The following XYLT1 variants were observed in gnomAD, a reference collection of about 807,000 sequenced individuals.
XYLT1 encodes the protein beta-D-xylosyltransferase 1.
XYLT1 carries 36 observed loss-of-function variants against 91.3 expected under a neutral mutation model. The ratio of observed to expected loss-of-function variants is 0.39; its 90% CI spans 0.30 to 0.52. The LOEUF (loss-of-function observed/expected upper bound fraction) is 0.52. Among genes scored for constraint, XYLT1 ranks in the 20% least tolerant of loss-of-function variants. The pLI, the probability that XYLT1 is intolerant of heterozygous loss-of-function variation, is 0.68. For synonymous variants in XYLT1, 588 were observed against 532.0 expected, an observed-to-expected ratio of 1.11 and a Z score of -1.45; for missense variants, 1,242 against 1,284.5, an observed-to-expected ratio of 0.97 and a Z score of 0.51.
intron 1 of XYLT1, among the ~76,000 whole-genome samples, chr16:17,381,355 G>T (rs1200237976): frequency 1.3e-5 from 2 of 150,152 alleles, no homozygotes; most frequent in African/African-American, 4.9e-5. Flanking sequence ...AATAAAGCTG[G>T]ACAATTTTAT....
intron 1 of XYLT1, among the ~76,000 whole-genome samples, chr16:17,436,651 A>G (rs1212062623): frequency 6.6e-6 from 1 of 152,266 alleles, no homozygotes; most frequent in Non-Finnish European, 1.5e-5. Context: ...AGTTAGGGAT[A>G]GAAGTCCAAA....
intron 2 of XYLT1, among the ~76,000 whole-genome samples, chr16:17,298,269 T>C (rs1049941704): frequency 1.3e-5 from 2 of 151,848 alleles, no homozygotes; most frequent in Non-Finnish European, 2.9e-5. Flanking sequence ...GGGCTGGAGG[T>C]ATAGTGTGTC....
At chr16:17,137,158 T>C (rs1458266774) in intron 8 of XYLT1, among the ~76,000 whole-genome samples, 1 of 152,126 alleles carries the variant, frequency 6.6e-6, no homozygotes, top group Non-Finnish European at 1.5e-5. Context: ...ACCTGCAGTG[T>C]ACTCTGCATT....
At chr16:17,408,067 C>G (rs1230021012) in intron 1 of XYLT1, among the ~76,000 whole-genome samples, 2 of 152,200 alleles carry the variant, frequency 1.3e-5, no homozygotes, top group East Asian at 3.9e-4. Flanking sequence ...CTTGAACTTA[C>G]CAGCCATCAG....
intron 6 of XYLT1, among the ~76,000 whole-genome samples, chr16:17,154,901 G>T (rs980004948): frequency 6.6e-6 from 1 of 152,196 alleles, no homozygotes; most frequent in South Asian, 2.1e-4. Flanking sequence ...GTATTTCACT[G>T]CTTGCCTTTG....
intron 3 of XYLT1, among the ~76,000 whole-genome samples, chr16:17,226,745 T>C (rs1170983371): frequency 6.6e-6 from 1 of 152,214 alleles, no homozygotes; most frequent in Non-Finnish European, 1.5e-5. Flanking sequence ...ATCACACCAC[T>C]GTACTCCAGC....
Position 17,184,876 on chromosome 16 carries a change from A to T in XYLT1, c.1289+13336T>A, listed in dbSNP as rs368588873. 8.5e-5 allele frequency among the ~76,000 whole-genome samples: 13 copies of T among 152,384 alleles called. No homozygotes were observed. The East Asian group carries it at 2.3e-3, about 27-fold the overall frequency. ...TTTTTTTTGTTTTCCGTTGTGAAAG[A>T]AAGAGAAAGCAAACAAAATAGCAAG... is the stretch of plus-strand genomic sequence containing the variant. On this transcript the variant is annotated intron_variant, in intron 5 of 11. Coordinates refer to ENST00000261381, the MANE Select transcript of XYLT1 (RefSeq NM_022166.4).
intron 6 of XYLT1, among the ~76,000 whole-genome samples, chr16:17,155,931 C>G (rs1397018754): frequency 6.6e-6 from 1 of 152,174 alleles, no homozygotes; most frequent in Non-Finnish European, 1.5e-5. Context: ...GGCCCATTCT[C>G]CATCTATTTC....
At chr16:17,160,986 T>C (rs1464333073) in intron 5 of XYLT1, among the ~76,000 whole-genome samples, 1 of 152,146 alleles carries the variant, frequency 6.6e-6, no homozygotes, top group Admixed American at 6.5e-5. Flanking sequence ...ACGAGACAAG[T>C]TAACCTCTGA....
chr16:17,225,599 A>G lies in XYLT1; in HGVS notation c.914-24945T>C, dbSNP rs184314938. 2.1e-3 allele frequency among the ~76,000 whole-genome samples: 325 copies of G among 151,744 alleles called. 2 individuals carry two copies. The highest frequency in any genetic ancestry group is 7.3e-3 in the African/African-American group (300 of 41,352). ...GAATGGTTTTGCACATCACAAGAAG[A>G]AGGAGGAAAAAAAAAAAACCCAATT... On this transcript the variant is annotated intron_variant, in intron 3 of 11. Transcript: ENST00000261381.
intron 1 of XYLT1, among the ~76,000 whole-genome samples, chr16:17,422,205 A>C (rs1268535846): frequency 6.7e-6 from 1 of 149,762 alleles, no homozygotes; most frequent in East Asian, 2.0e-4. Context: ...CTAACTTTTT[A>C]ATCTTTGTAG....
chr16:17,173,312 T>G (rs757787834), intron 5 of XYLT1, among the ~76,000 whole-genome samples: 3 of 152,266 alleles, frequency 2.0e-5, no homozygotes, highest in African/African-American at 4.8e-5. Flanking sequence ...ACAGCTACTA[T>G]GAGTCACGTG....
chr16:17,260,542 T>C (rs1475140334), intron 2 of XYLT1, among the ~76,000 whole-genome samples: 4 of 152,116 alleles, frequency 2.6e-5, no homozygotes, highest in African/African-American at 9.7e-5. Context: ...GGCTGAAATA[T>C]GCCTCTTACC....
chr16:17,450,939 G>C (rs2036657765), intron 1 of XYLT1, among the ~76,000 whole-genome samples: 1 of 152,198 alleles, frequency 6.6e-6, no homozygotes, highest in African/African-American at 2.4e-5. Flanking sequence ...GAGAAGTTCC[G>C]AGTTGGGGAC....
chr16:17,314,535 A>G (rs2034596442), intron 2 of XYLT1, among the ~76,000 whole-genome samples: 1 of 152,198 alleles, frequency 6.6e-6, no homozygotes, highest in Non-Finnish European at 1.5e-5. Flanking sequence ...TCCATCTGCT[A>G]TCCAAGAGAA....
intron 2 of XYLT1, among the ~76,000 whole-genome samples, chr16:17,352,563 T>C (rs1264711145): frequency 6.6e-6 from 1 of 152,222 alleles, no homozygotes; most frequent in East Asian, 1.9e-4. Context: ...TTCAGAACTC[T>C]GTCATTGGGT....
chr16:17,109,139 A>G, intron 11 of XYLT1, 122 bp from the exon 12 acceptor site: 1 of 1,029,584 alleles, frequency 9.7e-7, no homozygotes, highest in South Asian at 2.6e-5. Flanking sequence ...TTCACATGAC[A>G]ATCTCATGAG....
At chr16:17,277,375 G>A (rs932066770) in intron 2 of XYLT1, among the ~76,000 whole-genome samples, 4 of 151,946 alleles carry the variant, frequency 2.6e-5, no homozygotes, top group Non-Finnish European at 5.9e-5. Context: ...GAAGTTCTCG[G>A]TGTCTACTGT....
At chr16:17,406,475 G>T (rs1334124429) in intron 1 of XYLT1, among the ~76,000 whole-genome samples, 7 of 152,208 alleles carry the variant, frequency 4.6e-5, no homozygotes, top group Non-Finnish European at 1.0e-4. Context: ...GCTCCCCCAT[G>T]GGGCCTAAAC....
Sources: gnomAD v4.1 joint callset for allele counts (sites outside exome capture counted in the v4.1 genomes callset) on GRCh38, gnomAD v4.1.1 for gene constraint, MANE v1.5 for transcripts, NCBI Gene and HGNC (gene_info 2026-07-23, HGNC 2026-07-21) for gene names.